The following SCFD2 variants were observed in gnomAD, a reference collection of about 807,000 sequenced individuals.
The protein encoded by SCFD2 is sec1 family domain containing 2, also known as sec1 family domain-containing protein 2.
In SCFD2, 54 loss-of-function variants were observed where a neutral mutation model predicts 58.9. The ratio of observed to expected loss-of-function variants is 0.92; its 90% CI spans 0.74 to 1.15. The LOEUF (loss-of-function observed/expected upper bound fraction) is 1.15, where lower values mean the gene tolerates loss of function less well. SCFD2 is among the 50% of genes most tolerant of loss of function. SCFD2 has a pLI of 0.00. For missense variants in SCFD2, 805 were observed against 836.6 expected (o/e 0.96, Z 0.47); for synonymous variants, 321 against 335.9 (o/e 0.96, Z 0.49).
chr4:53,020,347 C>G (rs564630155), intron 5 of SCFD2, among the ~76,000 whole-genome samples: 9 of 152,114 alleles, frequency 5.9e-5, no homozygotes, highest in Admixed American at 1.3e-4. Flanking sequence ...GTGAGTTAAT[C>G]GGTTACTGTT....
intron 2 of SCFD2, among the ~76,000 whole-genome samples, chr4:53,331,662 C>T (rs951985403): frequency 6.6e-6 from 1 of 152,110 alleles, no homozygotes; most frequent in East Asian, 1.9e-4. Context: ...CTAAAATTGA[C>T]ACCCTAACAT....
chr4:53,343,396 A>G (rs1165488561), intron 2 of SCFD2, among the ~76,000 whole-genome samples: 1 of 152,200 alleles, frequency 6.6e-6, no homozygotes, highest in Non-Finnish European at 1.5e-5. Flanking sequence ...TCCCAAGACT[A>G]AACCAGGAAG....
At chr4:53,359,258 T>C (rs1245376606) in intron 1 of SCFD2, among the ~76,000 whole-genome samples, 3 of 152,194 alleles carry the variant, frequency 2.0e-5, no homozygotes, top group African/African-American at 4.8e-5. Flanking sequence ...AATATAAATA[T>C]ATAAATTTTC....
chr4:53,258,271 C>T (rs762709259), intron 4 of SCFD2, among the ~76,000 whole-genome samples: 3 of 152,010 alleles, frequency 2.0e-5, no homozygotes, highest in Non-Finnish European at 4.4e-5. Context: ...GTACCCATCA[C>T]CCAAGCAGTG....
chr4:53,064,571 G>A (rs141982289), intron 5 of SCFD2, among the ~76,000 whole-genome samples: 7 of 152,250 alleles, frequency 4.6e-5, no homozygotes, highest in African/African-American at 1.7e-4. Context: ...CCAAGTAACA[G>A]TCCTAGATCA....
chr4:52,919,479 C>T (rs1232310029), intron 6 of SCFD2, among the ~76,000 whole-genome samples: 2 of 152,156 alleles, frequency 1.3e-5, no homozygotes, highest in African/African-American at 4.8e-5. Context: ...CTTTATGTTT[C>T]TAAGAAGAGT....
chr4:53,028,237 A>T (rs1722527728), intron 5 of SCFD2, among the ~76,000 whole-genome samples: 1 of 152,168 alleles, frequency 6.6e-6, no homozygotes, highest in Non-Finnish European at 1.5e-5. Context: ...ACAGAGCAAG[A>T]CCCTGTCTCA....
Position 53,273,658 on chromosome 4 carries a change from G to C in SCFD2, c.1311+168C>G, listed in dbSNP as rs1731240882. On this transcript the variant is annotated intron_variant, in intron 4 of 8. Transcript: ENST00000401642. ...TCAAAATTTTTTTTTAAACAGGTGT[G>C]AAAAAAGTTTCTACTTGAATTTTAA... 1.5e-5 allele frequency: 9 copies of C among 590,280 alleles called. 1 individual carries two copies. The South Asian group carries it at 2.9e-4, about 19-fold the overall frequency. 36.6% of individuals were successfully genotyped at this position (590,280 alleles called of 1,614,324 possible). A position where few individuals can be genotyped will look rare whatever the true frequency, so the allele number is the denominator to read the frequency against.
At chr4:53,086,905 G>T (rs1439591571) in intron 5 of SCFD2, among the ~76,000 whole-genome samples, 1 of 152,064 alleles carries the variant, frequency 6.6e-6, no homozygotes, top group Non-Finnish European at 1.5e-5. Context: ...GGGGTTGTGG[G>T]GTAGTGGAGA....
chr4:53,109,466 C>T (rs757869626), intron 5 of SCFD2, among the ~76,000 whole-genome samples: 2 of 152,104 alleles, frequency 1.3e-5, no homozygotes, highest in Non-Finnish European at 2.9e-5. Context: ...ATTTAGAAAA[C>T]CCCATCGTCT....
chr4:53,219,299 G>T (rs555585709), intron 4 of SCFD2, among the ~76,000 whole-genome samples: 1 of 152,138 alleles, frequency 6.6e-6, no homozygotes, highest in East Asian at 1.9e-4. Flanking sequence ...TTTCAGTTTC[G>T]AGGCCACTTT....
At chr4:53,015,102 T>C (rs1722180331) in intron 5 of SCFD2, among the ~76,000 whole-genome samples, 1 of 152,168 alleles carries the variant, frequency 6.6e-6, no homozygotes, top group African/African-American at 2.4e-5. Flanking sequence ...TGTGTTAAAA[T>C]GACCAGCTGT....
At chr4:52,922,597 A>T (rs1719766816) in intron 5 of SCFD2, among the ~76,000 whole-genome samples, 1 of 152,238 alleles carries the variant, frequency 6.6e-6, no homozygotes, top group Admixed American at 6.5e-5. Context: ...TATATTTTAT[A>T]TATCGACTTA....
Position 53,251,258 on chromosome 4 carries a change from A to G in SCFD2, c.1311+22568T>C, listed in dbSNP as rs569948839. On this transcript the variant is annotated intron_variant, in intron 4 of 8. Coordinates refer to ENST00000401642, the MANE Select transcript of SCFD2 (RefSeq NM_152540.4). ...AATAATCAATAGCTTACCAACCAAA[A>G]AGAGTCCAGGACCAGATGGATTCAC... 5.4e-3 allele frequency among the ~76,000 whole-genome samples: 826 copies of G among 152,252 alleles called. 6 individuals carry two copies. The highest frequency in any genetic ancestry group is 5.0e-3 in the Non-Finnish European group (343 of 68,006).
chr4:53,325,540 A>T, intron 2 of SCFD2, among the ~76,000 whole-genome samples: 1 of 151,592 alleles, frequency 6.6e-6, no homozygotes, highest in East Asian at 1.9e-4. Context: ...TTATCAATGC[A>T]AATGGTCTGA....
chr4:52,975,931 C>A (rs185075564), intron 5 of SCFD2, among the ~76,000 whole-genome samples: 3,045 of 149,488 alleles, frequency 0.02, 110 homozygotes, highest in African/African-American at 0.072. Context: ...GGACAAAAAA[C>A]CAAACACCAC....
chr4:52,920,959 G>GTT (rs3833974), intron 5 of SCFD2, 89 bp from the exon 6 acceptor site: 552 of 518,804 alleles, frequency 1.1e-3, no homozygotes, highest in South Asian at 5.9e-3. Flanking sequence ...TAGTTGGGAG[G>GTT]TTTTTTTTTT....
chr4:53,361,351 C>T (rs1479098957), intron 1 of SCFD2, among the ~76,000 whole-genome samples: 2 of 152,166 alleles, frequency 1.3e-5, no homozygotes, highest in African/African-American at 2.4e-5. Context: ...GAACACTTAA[C>T]TCAATTTGTT....
chr4:53,119,597 A>C (rs1324393586), intron 5 of SCFD2, among the ~76,000 whole-genome samples: 2 of 152,224 alleles, frequency 1.3e-5, no homozygotes, highest in African/African-American at 4.8e-5. Context: ...TGGTTAAGAA[A>C]AAAATAAAGT....
Sources: gnomAD v4.1 joint callset for allele counts (sites outside exome capture counted in the v4.1 genomes callset) on GRCh38, gnomAD v4.1.1 for gene constraint, MANE v1.5 for transcripts, NCBI Gene and HGNC (gene_info 2026-07-23, HGNC 2026-07-21) for gene names.